LVRN: variants seen among roughly 807,000 people sequenced by gnomAD.
The protein encoded by LVRN is laeverin, also known as aminopeptidase Q.
In LVRN, 99 loss-of-function variants were observed where a neutral mutation model predicts 111.4. That is an observed-to-expected ratio of 0.89 (90% CI 0.76 to 1.05). The LOEUF is 1.05. Ranked by LOEUF, LVRN falls within the 50% of genes least tolerant of loss-of-function variation. The pLI, the probability that LVRN is intolerant of heterozygous loss-of-function variation, is 0.00. For missense variants in LVRN, 1,414 were observed against 1,206.8 expected (o/e 1.17, Z -2.54); for synonymous variants, 488 against 449.5 (o/e 1.09, Z -1.08).
chr5:116,008,376 G>A (rs189575421), intron 13 of LVRN, among the ~76,000 whole-genome samples: 1 of 152,026 alleles, frequency 6.6e-6, no homozygotes, highest in East Asian at 1.9e-4. Flanking sequence ...ATAAAATTAG[G>A]CCAATTAATA....
chr5:115,981,174 A>T (rs1056648679), intron 1 of LVRN, among the ~76,000 whole-genome samples: 2 of 152,202 alleles, frequency 1.3e-5, no homozygotes, highest in African/African-American at 4.8e-5. Context: ...ACCATAAAAC[A>T]AATGCCATTA....
chr5:115,983,879 C>T (rs916181798), intron 2 of LVRN, among the ~76,000 whole-genome samples: 1 of 152,162 alleles, frequency 6.6e-6, no homozygotes, highest in Non-Finnish European at 1.5e-5. Flanking sequence ...GGACCTACAG[C>T]TCTTACGTGG....
chr5:116,024,525 C>G (rs190769197), intron 19 of LVRN, among the ~76,000 whole-genome samples: 1 of 152,240 alleles, frequency 6.6e-6, no homozygotes, highest in East Asian at 1.9e-4. Context: ...ATCAGGTATT[C>G]CCTGGACAAG....
chr5:115,979,857 G>A (rs1212450525), intron 1 of LVRN, among the ~76,000 whole-genome samples: 1 of 152,144 alleles, frequency 6.6e-6, no homozygotes, highest in Non-Finnish European at 1.5e-5. Context: ...AAGTAGAGCT[G>A]TAGACATACA....
intron 6 of LVRN, among the ~76,000 whole-genome samples, chr5:115,994,620 A>T (rs1748066035): frequency 7.1e-6 from 1 of 140,374 alleles, no homozygotes; most frequent in African/African-American, 2.7e-5. Flanking sequence ...GACTTTTATG[A>T]TAAGTAATAT....
At chr5:115,984,520 A>T in intron 2 of LVRN, 50 bp from the exon 3 acceptor site, 3 of 1,595,950 alleles carry the variant, frequency 1.9e-6, no homozygotes, top group Non-Finnish European at 2.6e-6. Flanking sequence ...TTTCAAAGAC[A>T]TGTAATTGCT....
rs1748602517 is a variant in LVRN, at chr5:116,016,372, C to T, written c.2756+607C>T. ...ACATGATAATATGTATGTCACTAGTCCTCATGTAATGATGAAGGTAGTATA... is the reference window on the plus strand; with the variant it reads ...ACATGATAATATGTATGTCACTAGTTCTCATGTAATGATGAAGGTAGTATA... On this transcript the variant is annotated intron_variant, in intron 18 of 19. Transcript: ENST00000357872. 2.6e-5 allele frequency among the ~76,000 whole-genome samples: 4 copies of T among 152,196 alleles called. No homozygotes were observed. The South Asian group carries it at 8.3e-4, about 32-fold the overall frequency.
intron 18 of LVRN, among the ~76,000 whole-genome samples, chr5:116,020,320 T>G (rs2662464): frequency 0.3 from 45,238 of 152,074 alleles, 7,437 homozygotes; most frequent in African/African-American, 0.42. Flanking sequence ...ATGTGAATAG[T>G]GATGAAGCAA....
At chr5:115,988,205 C>T (rs1465649860) in intron 4 of LVRN, among the ~76,000 whole-genome samples, 1 of 152,190 alleles carries the variant, frequency 6.6e-6, no homozygotes, top group Non-Finnish European at 1.5e-5. Context: ...TGGCAGCCTC[C>T]CGTCCTCTAG....
intron 18 of LVRN, chr5:116,021,703 C>T (rs149565199): frequency 6.0e-4 from 268 of 449,992 alleles, no homozygotes; most frequent in African/African-American, 4.9e-3. Flanking sequence ...CTTTTTAATG[C>T]ACCCAAAGTC....
intron 3 of LVRN, among the ~76,000 whole-genome samples, chr5:115,987,413 A>G (rs1458390990): frequency 6.6e-6 from 1 of 152,196 alleles, no homozygotes; most frequent in Non-Finnish European, 1.5e-5. Flanking sequence ...ACCATACTAT[A>G]TAACCCCCAC....
intron 1 of LVRN, chr5:115,975,247 A>G (rs1224997223): frequency 1.1e-5 from 5 of 448,234 alleles, no homozygotes; most frequent in Non-Finnish European, 2.2e-5. Flanking sequence ...CATGTCCAGC[A>G]TATTGTCTGC....
At chr5:116,012,524 T>C in intron 15 of LVRN, 56 bp downstream of exon 15, 1 of 1,017,532 alleles carries the variant, frequency 9.8e-7, no homozygotes, top group South Asian at 1.6e-5. Flanking sequence ...TTAATAGGCT[T>C]CCAGAAGTAA....
At chr5:115,965,939 T>C (rs568514183) in intron 1 of LVRN, among the ~76,000 whole-genome samples, 3 of 152,320 alleles carry the variant, frequency 2.0e-5, no homozygotes, top group South Asian at 2.1e-4. Context: ...CGGACTAATA[T>C]GGTATCTCAT....
At chr5:115,984,772 T>C in intron 3 of LVRN, 63 bp downstream of exon 3, 1 of 1,591,418 alleles carries the variant, frequency 6.3e-7, no homozygotes, top group East Asian at 2.2e-5. Flanking sequence ...TCATCTATTC[T>C]TTCTGCATCC....
chr5:115,969,008 C>G (rs1256466019), intron 1 of LVRN, among the ~76,000 whole-genome samples: 1 of 152,196 alleles, frequency 6.6e-6, no homozygotes, highest in Non-Finnish European at 1.5e-5. Context: ...ATGGAAACCA[C>G]TGAGCCTTGA....
Position 116,026,068 on chromosome 5 carries a change from A to T in LVRN, c.2923A>T (p.Asn975Tyr), listed in dbSNP as rs1173933554. The T allele has an allele frequency of 6.2e-7, 1 of 1,613,926 alleles. No homozygotes were observed. The highest frequency in any genetic ancestry group is 1.1e-5 in the South Asian group (1 of 91,058). The stretch of plus-strand genomic sequence containing the variant: ...GACAATAAAGAATGAAAATCTGAAA[A>T]ACAAGAAGCTAAGTGCCAGGATAGC... ...LQTIKNENLK[N>Y]KKLSARIAAW... is the part of the protein sequence containing the mutation. Residue 975 changes from asparagine to tyrosine, a missense_variant, in exon 20 of 20, where the codon AAC becomes TAC. Asn to Tyr is a moderately radical substitution (Grantham distance 143). Coordinates refer to ENST00000357872, the MANE Select transcript of LVRN (RefSeq NM_173800.5).
Position 116,010,758 on chromosome 5 carries a change from T to A in LVRN, c.2111T>A (p.Ile704Asn). 1.3e-6 allele frequency: 2 copies of A among 1,599,744 alleles called. No homozygotes were observed. Among genetic ancestry groups the A allele is most frequent in the Non-Finnish European group, 1.7e-6 (2 of 1,174,636 alleles). The change falls in exon 14 of 20, where the codon ATT becomes AAT. Residue 704 changes from isoleucine to asparagine, a missense_variant. Ile to Asn is a moderately radical substitution (Grantham distance 149). Transcript: ENST00000357872. ...FSLSKNNYIE[I>N]ETALELTKYL... ...TCAAACAGAAACAATTATATTGAGATTGAAACAGCACTTGAGTTAACCAAG... is the reference window on the plus strand; with the variant it reads ...TCAAACAGAAACAATTATATTGAGAATGAAACAGCACTTGAGTTAACCAAG...
At chr5:116,012,516 A>C in intron 15 of LVRN, 48 bp downstream of exon 15, 1 of 1,113,010 alleles carries the variant, frequency 9.0e-7, no homozygotes, top group Non-Finnish European at 1.3e-6. Context: ...CATTCATATT[A>C]ATAGGCTTCC....
Sources: gnomAD v4.1 joint callset for allele counts (sites outside exome capture counted in the v4.1 genomes callset) on GRCh38, gnomAD v4.1.1 for gene constraint, MANE v1.5 for transcripts, NCBI Gene and HGNC (gene_info 2026-07-23, HGNC 2026-07-21) for gene names.